The following SCFD1 variants were observed in gnomAD, a reference collection of about 807,000 sequenced individuals.
SCFD1 encodes sec1 family domain-containing protein 1.
SCFD1 carries 37 observed loss-of-function variants against 103.2 expected under a neutral mutation model. The ratio of observed to expected loss-of-function variants is 0.36; its 90% CI spans 0.28 to 0.47. SCFD1 has a LOEUF of 0.47. Ranked by LOEUF, SCFD1 falls within the 20% of genes least tolerant of loss-of-function variation. The probability of loss-of-function intolerance (pLI) is 1.00; values close to 1 mark genes in which losing one functional copy is unlikely to be tolerated. For synonymous variants in SCFD1, 264 were observed against 245.0 expected, an observed-to-expected ratio of 1.08 and a Z score of -0.73; for missense variants, 639 against 761.2, an observed-to-expected ratio of 0.84 and a Z score of 1.89.
intron 14 of SCFD1, among the ~76,000 whole-genome samples, chr14:30,692,127 T>C (rs962809478): frequency 6.6e-6 from 1 of 152,004 alleles, no homozygotes; most frequent in Non-Finnish European, 1.5e-5. Flanking sequence ...ACTAGATTCT[T>C]TACGTTTTCC....
chr14:30,728,570 A>G (rs1026942719), intron 23 of SCFD1, among the ~76,000 whole-genome samples: 1 of 152,138 alleles, frequency 6.6e-6, no homozygotes, highest in African/African-American at 2.4e-5. Flanking sequence ...GTATGTTTTC[A>G]CTTCTTTTAG....
intron 14 of SCFD1, chr14:30,676,522 G>A (rs555123439): frequency 2.6e-5 from 4 of 152,332 alleles, no homozygotes; most frequent in African/African-American, 9.6e-5. Context: ...ATGAGGTGAT[G>A]TTTGAGTTGA....
At chr14:30,720,207 A>G (rs1223326350) in intron 21 of SCFD1, among the ~76,000 whole-genome samples, 1 of 152,210 alleles carries the variant, frequency 6.6e-6, no homozygotes, top group African/African-American at 2.4e-5. Flanking sequence ...AATATCACCA[A>G]AATTGCATAA....
chr14:30,628,212 C>A lies in SCFD1; in HGVS notation c.65C>A (p.Ala22Asp). ...AASIRERQTV[A>D]LKRMLNFNVP... ...TGATAAAACTTTTTATTTTCAGTGG[C>A]TTTGAAGCGTATGTTGAATTTCAAT... is the stretch of plus-strand genomic sequence containing the variant. The change falls in exon 2 of 25, where the codon GCT (alanine) becomes GAT (aspartate). Residue 22 changes from alanine (A) to aspartate (D), a missense_variant. By Grantham distance (126) the Ala-to-Asp change is moderately radical (BLOSUM62 -2). Coordinates refer to ENST00000458591, the MANE Select transcript of SCFD1 (RefSeq NM_016106.4). 6.2e-7 allele frequency: 1 copy of A among 1,607,814 alleles called. No homozygotes were observed. The highest frequency in any genetic ancestry group is 8.5e-7 in the Non-Finnish European group (1 of 1,175,502).
intron 14 of SCFD1, among the ~76,000 whole-genome samples, chr14:30,680,497 A>T (rs2139250291): frequency 6.6e-6 from 1 of 152,378 alleles, no homozygotes; most frequent in South Asian, 2.1e-4. Flanking sequence ...CTGAATTTTA[A>T]CTTGGGTTTT....
At chr14:30,722,196 T>C (rs990026717) in intron 22 of SCFD1, among the ~76,000 whole-genome samples, 1 of 152,172 alleles carries the variant, frequency 6.6e-6, no homozygotes, top group African/African-American at 2.4e-5. Flanking sequence ...TTTGTGAAGA[T>C]ACTATGACTG....
rs1018520393 is a variant in SCFD1, at chr14:30,622,352, C to T, written c.14C>T (p.Ala5Val). 17 of 1,569,100 alleles carry T rather than the reference C, an allele frequency of 1.1e-5. No individual in the cohort carries two copies. The highest frequency in any genetic ancestry group is 1.4e-5 in the African/African-American group (1 of 73,750). Residue 5 changes from alanine to valine, a missense_variant, in exon 1 of 25, where the codon GCG becomes GTG. Coordinates refer to ENST00000458591, the MANE Select transcript of SCFD1 (RefSeq NM_016106.4). Reference sequence around the variant, plus strand: ...GTGGGAGCCAAGATGGCGGCGGCGGCGGCAGCGACAGCAGCAGCAGCAGCC... The same window carrying T: ...GTGGGAGCCAAGATGGCGGCGGCGGTGGCAGCGACAGCAGCAGCAGCAGCC... MAAA[A>V]AATAAAAASI... is the part of the protein sequence containing the mutation.
intron 10 of SCFD1, 31 bp from the exon 11 acceptor site, chr14:30,670,225 A>C (rs1594660857): frequency 6.6e-7 from 1 of 1,523,510 alleles, no homozygotes; most frequent in Non-Finnish European, 8.9e-7. Flanking sequence ...CTTAGAAAAC[A>C]GTTGTTTAAC....
chr14:30,714,419 GTATTCAGAAGTA>G (rs1002296447), intron 19 of SCFD1, among the ~76,000 whole-genome samples: 3 of 150,796 alleles, frequency 2.0e-5, no homozygotes, highest in Admixed American at 2.0e-4. Context: ...ATTCTGAATA[GTATTCAGAAGTA>G]TATTCAGACA....
At chr14:30,666,098 A>G (rs1260649549) in intron 10 of SCFD1, among the ~76,000 whole-genome samples, 1 of 152,218 alleles carries the variant, frequency 6.6e-6, no homozygotes, top group Non-Finnish European at 1.5e-5. Context: ...TCAACAGAAT[A>G]TACATTCTTC....
chr14:30,626,642 G>T (rs538374409), intron 1 of SCFD1, among the ~76,000 whole-genome samples: 1 of 152,136 alleles, frequency 6.6e-6, no homozygotes, highest in African/African-American at 2.4e-5. Flanking sequence ...CATTGCCACT[G>T]AGTATACAGT....
chr14:30,710,240 G>A (rs972558307), intron 19 of SCFD1, among the ~76,000 whole-genome samples: 2 of 147,880 alleles, frequency 1.4e-5, no homozygotes, highest in African/African-American at 5.0e-5. Context: ...TTTGACATAG[G>A]CAGTTTCTCA....
intron 1 of SCFD1, among the ~76,000 whole-genome samples, chr14:30,627,604 G>A (rs1391674942): frequency 2.0e-5 from 3 of 151,772 alleles, no homozygotes; most frequent in Non-Finnish European, 4.4e-5. Context: ...AAATTAGCCG[G>A]GCATGGCAGC....
intron 14 of SCFD1, chr14:30,675,424 T>C (rs1350996440): frequency 1.2e-5 from 2 of 160,352 alleles, no homozygotes; most frequent in African/African-American, 2.4e-5. Context: ...ATCTAAAATA[T>C]CCATTAATAA....
At chr14:30,705,405 C>T (rs557835026) in intron 17 of SCFD1, among the ~76,000 whole-genome samples, 4 of 152,242 alleles carry the variant, frequency 2.6e-5, no homozygotes, top group African/African-American at 9.6e-5. Flanking sequence ...TACATCAGTT[C>T]TTTTTATTTA....
intron 15 of SCFD1, among the ~76,000 whole-genome samples, chr14:30,699,336 A>G (rs1220247025): frequency 1.3e-5 from 2 of 152,222 alleles, no homozygotes; most frequent in African/African-American, 2.4e-5. Context: ...CTATCATAAA[A>G]TACAACAATT....
intron 23 of SCFD1, among the ~76,000 whole-genome samples, chr14:30,728,988 G>A (rs1667960136): frequency 6.6e-6 from 1 of 152,090 alleles, no homozygotes; most frequent in Non-Finnish European, 1.5e-5. Context: ...GGGATTACAG[G>A]TGCACACCAC....
intron 17 of SCFD1, 24 bp downstream of exon 17, chr14:30,702,399 T>C (rs758344195): frequency 2.1e-6 from 3 of 1,413,168 alleles, no homozygotes; most frequent in Non-Finnish European, 2.9e-6. Context: ...TCTTCTTTAA[T>C]TCCTGTCATT....
chr14:30,668,652 T>A (rs994264353), intron 10 of SCFD1, among the ~76,000 whole-genome samples: 49 of 152,352 alleles, frequency 3.2e-4, no homozygotes, highest in African/African-American at 1.2e-3. Flanking sequence ...TCTACCCATC[T>A]GACAAAGGGC....
Sources: allele counts gnomAD v4.1 joint callset (sites outside exome capture counted in the v4.1 genomes callset), GRCh38; gene constraint gnomAD v4.1.1; transcripts MANE v1.5; gene names NCBI Gene and HGNC (gene_info 2026-07-23, HGNC 2026-07-21).